MAGI1: variants seen among roughly 807,000 people sequenced by gnomAD.
The protein encoded by MAGI1 is membrane-associated guanylate kinase, WW and PDZ domain-containing protein 1.
In MAGI1, 58 loss-of-function variants were observed where a neutral mutation model predicts 139.9. The ratio of observed to expected loss-of-function variants is 0.41; its 90% CI spans 0.34 to 0.52. The LOEUF (loss-of-function observed/expected upper bound fraction) is 0.52, where lower values mean the gene tolerates loss of function less well. Ranked by LOEUF, MAGI1 falls within the 20% of genes least tolerant of loss-of-function variation. MAGI1 has a pLI of 0.12. For synonymous variants in MAGI1, 812 were observed against 737.9 expected (o/e 1.10, Z -1.63); for missense variants, 1,874 against 1,901.6 (o/e 0.99, Z 0.27).
At chr3:65,639,051 T>C (rs531349316) in intron 1 of MAGI1, among the ~76,000 whole-genome samples, 131 of 152,344 alleles carry the variant, frequency 8.6e-4, no homozygotes, top group African/African-American at 3.1e-3. Flanking sequence ...ATGCTGCCCA[T>C]TATTTTCATT....
intron 1 of MAGI1, among the ~76,000 whole-genome samples, chr3:65,820,503 T>G (rs2041888607): frequency 1.3e-5 from 2 of 152,192 alleles, no homozygotes; most frequent in African/African-American, 4.8e-5. Context: ...CACCCTACTT[T>G]AGAAACATAC....
rs1193567629 is a variant in MAGI1, at chr3:65,478,778, T to C, written c.571A>G (p.Lys191Glu). The change falls in exon 4 of 23, where the codon AAG (lysine) becomes GAG (glutamate). Residue 191 changes from lysine (K) to glutamate (E), a missense_variant. By Grantham distance (56) the Lys-to-Glu change is moderately conservative. Transcript: ENST00000402939. ...CCACTGACTGGCTGGCTAGGAGGCT[T>C]GGGTGTCCCATAATAGTTTCCTAGG... is the stretch of plus-strand genomic sequence containing the variant. ...TYEGNYYGTP[K>E]PPSQPVSGKV... The C allele has an allele frequency of 3.1e-6, 5 of 1,613,752 alleles. No individual in the cohort carries two copies. Among genetic ancestry groups the C allele is most frequent in the Admixed American group, 1.7e-5 (1 of 59,980 alleles).
At chr3:65,779,995 A>T (rs903275316) in intron 1 of MAGI1, among the ~76,000 whole-genome samples, 1 of 136,860 alleles carries the variant, frequency 7.3e-6, no homozygotes, top group African/African-American at 2.7e-5. Context: ...GGTGGTCCTG[A>T]GATCTGAGAA....
chr3:65,600,635 C>T (rs141026956), intron 2 of MAGI1, among the ~76,000 whole-genome samples: 1,097 of 42,960 alleles, frequency 0.026, 15 homozygotes, highest in African/African-American at 0.098. Flanking sequence ...GCTTCATGGG[C>T]GCCTGGCTTA....
At chr3:65,908,032 A>G (rs181906038) in intron 1 of MAGI1, among the ~76,000 whole-genome samples, 77 of 152,326 alleles carry the variant, frequency 5.1e-4, no homozygotes, top group South Asian at 3.1e-3. Flanking sequence ...TACCACACGA[A>G]CACAACTAAA....
intron 1 of MAGI1, among the ~76,000 whole-genome samples, chr3:65,646,844 CATAA>C (rs1360145124): frequency 6.6e-6 from 1 of 151,894 alleles, no homozygotes; most frequent in East Asian, 1.9e-4. Context: ...TACACATCGA[CATAA>C]ATAAAAAAAC....
intron 18 of MAGI1, among the ~76,000 whole-genome samples, chr3:65,366,499 C>T (rs959464232): frequency 1.3e-5 from 2 of 152,130 alleles, no homozygotes; most frequent in African/African-American, 4.8e-5. Flanking sequence ...TGCCTGTGAC[C>T]GTCCAAGCTG....
At chr3:65,746,297 G>A (rs1034458909) in intron 1 of MAGI1, among the ~76,000 whole-genome samples, 4 of 152,178 alleles carry the variant, frequency 2.6e-5, no homozygotes, top group African/African-American at 4.8e-5. Context: ...GCCTTCCAAA[G>A]TGCTGGGATT....
intron 2 of MAGI1, among the ~76,000 whole-genome samples, chr3:65,545,874 G>A (rs2079472428): frequency 6.6e-6 from 1 of 152,014 alleles, no homozygotes; most frequent in Admixed American, 6.6e-5. Flanking sequence ...GTCACAGAAA[G>A]GGTAGGTTAT....
intron 2 of MAGI1, among the ~76,000 whole-genome samples, chr3:65,575,627 T>C (rs1576366203): frequency 6.6e-6 from 1 of 152,066 alleles, no homozygotes; most frequent in South Asian, 2.1e-4. Context: ...CAAATACCTA[T>C]CAATGGGTGA....
intron 1 of MAGI1, among the ~76,000 whole-genome samples, chr3:65,730,226 T>C (rs1478010387): frequency 6.6e-6 from 1 of 152,140 alleles, no homozygotes; most frequent in Non-Finnish European, 1.5e-5. Flanking sequence ...GCTTAAACAG[T>C]TAGTGGCTTA....
intron 1 of MAGI1, 131 bp downstream of exon 1, chr3:66,037,865 C>A: frequency 6.9e-7 from 1 of 1,452,440 alleles, no homozygotes; most frequent in Non-Finnish European, 9.2e-7. Flanking sequence ...TTCACCGCCA[C>A]CACAGGGCGC....
intron 1 of MAGI1, among the ~76,000 whole-genome samples, chr3:65,978,157 T>C (rs908230335): frequency 3.3e-5 from 5 of 152,246 alleles, no homozygotes; most frequent in Non-Finnish European, 7.3e-5. Context: ...GAAAATTTAC[T>C]ATGTGACAGG....
At position 65,684,868 on chromosome 3, in the gene MAGI1, A is replaced by ATTTTTTT. The variant is rs761948943; in HGVS notation, c.314-62787_314-62781dup. On this transcript the variant is annotated intron_variant, in intron 1 of 22. Coordinates refer to ENST00000402939, the MANE Select transcript of MAGI1 (RefSeq NM_001033057.2). ...AGGTGCAAGCCACCACACCTGGCTA[A>ATTTTTTT]TTTTTTTTTTTTTTTTTTTTTTTTT... Among the ~76,000 whole-genome samples the ATTTTTTT allele has an allele frequency of 2.3e-4, 23 of 98,176 alleles. 2 individuals carry two copies. The highest frequency in any genetic ancestry group is 1.2e-3 in the African/African-American group (21 of 17,706). 64.4% of individuals were successfully genotyped at this position (98,176 alleles called of 152,430 possible).
At chr3:65,448,902 A>G (rs370714355) in intron 6 of MAGI1, among the ~76,000 whole-genome samples, 73 of 152,238 alleles carry the variant, frequency 4.8e-4, no homozygotes, top group Admixed American at 4.0e-3. Context: ...CATTTCATAC[A>G]TAATGTTTCC....
chr3:65,631,932 G>GGAGAA (rs1344524886), intron 1 of MAGI1, among the ~76,000 whole-genome samples: 1 of 151,916 alleles, frequency 6.6e-6, no homozygotes, highest in Non-Finnish European at 1.5e-5. Flanking sequence ...GACTAAGGCA[G>GGAGAA]GAGAATTGCT....
rs573631555 is a variant in MAGI1 at position 65,829,616 on chromosome 3, T to C, written c.314-207528A>G. 2.1e-3 allele frequency among the ~76,000 whole-genome samples: 318 copies of C among 152,350 alleles called. 1 individual carries two copies. The highest frequency in any genetic ancestry group is 7.2e-3 in the African/African-American group (298 of 41,574). On this transcript the variant is annotated intron_variant, in intron 1 of 22. Coordinates refer to ENST00000402939, the MANE Select transcript of MAGI1 (RefSeq NM_001033057.2). ...CTTGTAAATTACCCAGTCTAAGGTA[T>C]TTTGTTATAGCAGCCCTAATACACT...
rs147810149 is a variant in MAGI1, at chr3:65,421,713, G to A, written c.2167+7807C>T. ...AACATCAGTCTAGTATAAAAGCTGAGATGCTTCCCAGCCAGGTGGAGGTCC... is the reference window on the plus strand; with the variant it reads ...AACATCAGTCTAGTATAAAAGCTGAAATGCTTCCCAGCCAGGTGGAGGTCC... On this transcript the variant is annotated intron_variant, in intron 12 of 22. Coordinates refer to ENST00000402939, the MANE Select transcript of MAGI1 (RefSeq NM_001033057.2). Among the ~76,000 whole-genome samples, 459 of 152,236 alleles carry A rather than the reference G, an allele frequency of 3.0e-3. 2 individuals carry two copies. The highest frequency in any genetic ancestry group is 0.011 in the African/African-American group (441 of 41,552).
intron 1 of MAGI1, among the ~76,000 whole-genome samples, chr3:65,648,467 T>C (rs1358668266): frequency 6.6e-6 from 1 of 152,166 alleles, no homozygotes; most frequent in Non-Finnish European, 1.5e-5. Context: ...ATATTAGCAA[T>C]GAACACAATG....
Sources: gnomAD v4.1 joint callset for allele counts (sites outside exome capture counted in the v4.1 genomes callset) on GRCh38, gnomAD v4.1.1 for gene constraint, MANE v1.5 for transcripts, NCBI Gene and HGNC (gene_info 2026-07-23, HGNC 2026-07-21) for gene names.